The following ARFGEF1 variants were observed in gnomAD, a reference collection of about 807,000 sequenced individuals.
The protein encoded by ARFGEF1 is brefeldin A-inhibited guanine nucleotide-exchange protein 1.
In ARFGEF1, 42 loss-of-function variants were observed where a neutral mutation model predicts 231.0. The observed-to-expected ratio is 0.18, with a 90% CI of 0.14 to 0.24. The LOEUF is 0.24. ARFGEF1 is among the 10% of genes least tolerant of loss of function. The pLI is 1.00. For missense variants in ARFGEF1, 1,345 were observed against 2,192.0 expected, an observed-to-expected ratio of 0.61 and a Z score of 7.72; for synonymous variants, 710 against 732.3, an observed-to-expected ratio of 0.97 and a Z score of 0.49.
chr8:67,304,054 C>T (rs1279859120), intron 1 of ARFGEF1, among the ~76,000 whole-genome samples: 1 of 152,096 alleles, frequency 6.6e-6, no homozygotes, highest in Non-Finnish European at 1.5e-5. Flanking sequence ...GTTTATTAAC[C>T]GTTCTACCAT....
chr8:67,225,353 C>T (rs1471292301), intron 28 of ARFGEF1, among the ~76,000 whole-genome samples: 2 of 152,096 alleles, frequency 1.3e-5, no homozygotes, highest in African/African-American at 4.8e-5. Flanking sequence ...GTTATGATAC[C>T]AGACAGCCAC....
chr8:67,197,630 A>C, downstream of ARFGEF1: 1 of 985,832 alleles, frequency 1.0e-6, no homozygotes, highest in Non-Finnish European at 1.2e-6. Flanking sequence ...GACCAGAATC[A>C]ATGAAACATG....
rs2128941891 is a variant in ARFGEF1, at chr8:67,343,290, A to G, written c.-3T>C. The stretch of plus-strand genomic sequence containing the variant: ...TTCGTCTTCTTCCCCTCATACATGG[A>G]CGCAGAGAAGGAGGCGGCGGCTCGT... On this transcript the variant is annotated 5_prime_UTR_variant, in exon 1 of 39. Coordinates refer to ENST00000262215, the MANE Select transcript of ARFGEF1 (RefSeq NM_006421.5). 6.2e-7 allele frequency: 1 copy of G among 1,612,632 alleles called. No homozygotes were observed. The highest frequency in any genetic ancestry group is 2.2e-5 in the East Asian group (1 of 44,832).
intron 14 of ARFGEF1, among the ~76,000 whole-genome samples, chr8:67,263,273 T>A (rs2128892169): frequency 6.6e-6 from 1 of 152,312 alleles, no homozygotes; most frequent in South Asian, 2.1e-4. Flanking sequence ...GTTACTTTGG[T>A]GCTCCAACAC....
At chr8:67,303,031 G>T (rs1473098617) in intron 1 of ARFGEF1, among the ~76,000 whole-genome samples, 23 of 151,716 alleles carry the variant, frequency 1.5e-4, no homozygotes, top group Admixed American at 1.5e-3. Flanking sequence ...AGAGTTAAAG[G>T]TTACAGTGAG....
At chr8:67,236,828 C>A (rs1327840868) in intron 22 of ARFGEF1, among the ~76,000 whole-genome samples, 1 of 152,096 alleles carries the variant, frequency 6.6e-6, no homozygotes, top group Non-Finnish European at 1.5e-5. Flanking sequence ...CTGTAAATTC[C>A]CTTTTTCTGA....
chr8:67,227,330 G>A (rs193088816), intron 26 of ARFGEF1, 21 bp from the exon 27 acceptor site: 1,479 of 1,604,810 alleles, frequency 9.2e-4, no homozygotes, highest in Non-Finnish European at 1.2e-3. Flanking sequence ...TAATATAATT[G>A]CTTGGATATG....
At chr8:67,216,438 A>G in intron 33 of ARFGEF1, 152 bp downstream of exon 33, 3 of 701,936 alleles carry the variant, frequency 4.3e-6, no homozygotes, top group Non-Finnish European at 6.7e-6. Flanking sequence ...CGTAATTGTA[A>G]AAAAAAAATG....
Position 67,258,273 on chromosome 8 carries a change from G to A in ARFGEF1, c.2253C>T (p.Phe751=). Residue 751 remains phenylalanine (F), a synonymous_variant, in exon 16 of 39, where the codon TTC becomes TTT. Coordinates refer to ENST00000262215, the MANE Select transcript of ARFGEF1 (RefSeq NM_006421.5). ...TGTTAAATTTATCATTATCTCCCAGGAACTCACCCACTTGAGTCTAAAGTA... is the reference window on the plus strand; with the variant it reads ...TGTTAAATTTATCATTATCTCCCAGAAACTCACCCACTTGAGTCTAAAGTA... ...ERLDSTQVGE[F]LGDNDKFNKE... is the part of the protein sequence containing the mutation. 1 of 1,598,760 alleles carries A rather than the reference G, an allele frequency of 6.3e-7. No homozygotes were observed. Among genetic ancestry groups the A allele is most frequent in the Non-Finnish European group, 8.6e-7 (1 of 1,167,706 alleles).
At chr8:67,193,621 TG>T, downstream of ARFGEF1, 1 of 1,604,322 alleles carries the variant, frequency 6.2e-7, no homozygotes, top group Non-Finnish European at 8.5e-7. Flanking sequence ...CCAAGTGTAA[TG>T]GCCTATAGTA....
chr8:67,310,308 G>A (rs1436702459), intron 1 of ARFGEF1, among the ~76,000 whole-genome samples: 2 of 152,284 alleles, frequency 1.3e-5, no homozygotes, highest in East Asian at 1.9e-4. Flanking sequence ...TGTGTTGGCC[G>A]GGCCGGTCTC....
At chr8:67,241,689 T>C (rs1265798712) in intron 19 of ARFGEF1, among the ~76,000 whole-genome samples, 1 of 152,004 alleles carries the variant, frequency 6.6e-6, no homozygotes, top group African/African-American at 2.4e-5. Context: ...TCATCCCCCA[T>C]GCAGGAACAC....
intron 10 of ARFGEF1, among the ~76,000 whole-genome samples, chr8:67,268,849 T>C (rs1037449659): frequency 1.3e-5 from 2 of 152,148 alleles, no homozygotes; most frequent in Admixed American, 6.5e-5. Flanking sequence ...AAATAGAACA[T>C]AGAACTGGAG....
In ARFGEF1 at chr8:67,228,015, A is replaced by G; in HGVS notation, c.3539T>C (p.Ile1180Thr). The change falls in exon 25 of 39, where the codon ATA becomes ACA. Residue 1180 changes from isoleucine to threonine, a missense_variant. Physicochemically the swap from Ile to Thr is moderately conservative, Grantham distance 89. Coordinates refer to ENST00000262215, the MANE Select transcript of ARFGEF1 (RefSeq NM_006421.5). ...CCAAATTCGAGACCACTGTAATCTT[A>G]TTCTTCCCATGTTGTAATATGATAT... is the stretch of plus-strand genomic sequence containing the variant. ...VEISYYNMGR[I>T]RLQWSRIWEV... is the part of the protein sequence containing the mutation. 6.2e-7 allele frequency: 1 copy of G among 1,600,850 alleles called. No homozygotes were observed. Among genetic ancestry groups the G allele is most frequent in the Non-Finnish European group, 8.5e-7 (1 of 1,176,874 alleles).
intron 1 of ARFGEF1, among the ~76,000 whole-genome samples, chr8:67,324,974 C>T (rs554448136): frequency 1.1e-4 from 16 of 150,752 alleles, no homozygotes; most frequent in Middle Eastern, 3.4e-3. Context: ...AATGCAACGG[C>T]GCTATCTTGG....
At chr8:67,245,955 T>C (rs1587126787) in intron 19 of ARFGEF1, among the ~76,000 whole-genome samples, 1 of 150,374 alleles carries the variant, frequency 6.7e-6, no homozygotes, top group Non-Finnish European at 1.5e-5. Flanking sequence ...GCTATACTTG[T>C]ATCAGAAAAA....
At chr8:67,234,526 C>A (rs1218743651) in intron 22 of ARFGEF1, among the ~76,000 whole-genome samples, 1 of 151,974 alleles carries the variant, frequency 6.6e-6, no homozygotes, top group Non-Finnish European at 1.5e-5. Context: ...TGGAAACATA[C>A]AACTGTACAT....
At chr8:67,259,094 A>C (rs2128889958) in intron 15 of ARFGEF1, among the ~76,000 whole-genome samples, 1 of 152,378 alleles carries the variant, frequency 6.6e-6, no homozygotes, top group East Asian at 1.9e-4. Flanking sequence ...TGTTCAGTAC[A>C]GATGCAATTA....
chr8:67,188,163 C>T (rs898980775), intron 5 of ARFGEF1, among the ~76,000 whole-genome samples: 1 of 152,158 alleles, frequency 6.6e-6, no homozygotes, highest in Non-Finnish European at 1.5e-5. Context: ...ATCCAAAATA[C>T]ACAAAGAAAT....
Sources: gnomAD v4.1 joint callset for allele counts (sites outside exome capture counted in the v4.1 genomes callset) on GRCh38, gnomAD v4.1.1 for gene constraint, MANE v1.5 for transcripts, NCBI Gene and HGNC (gene_info 2026-07-23, HGNC 2026-07-21) for gene names.